Variants in RBPMS observed in about 807,000 individuals in gnomAD.
The protein encoded by RBPMS is RNA-binding protein with multiple splicing.
In RBPMS, 7 loss-of-function variants were observed where a neutral mutation model predicts 26.8. The ratio of observed to expected loss-of-function variants is 0.26; its 90% confidence interval spans 0.15 to 0.49. The LOEUF (loss-of-function observed/expected upper bound fraction) is 0.49, where lower values mean the gene tolerates loss of function less well. RBPMS is among the 20% of genes least tolerant of loss of function. The pLI, the probability that RBPMS is intolerant of heterozygous loss-of-function variation, is 0.98. For missense variants in RBPMS, 186 were observed against 250.0 expected (o/e 0.74, Z 1.73); for synonymous variants, 96 against 93.3 (o/e 1.03, Z -0.17).
intron 1 of RBPMS, among the ~76,000 whole-genome samples, chr8:30,436,290 C>G (rs1409915493): frequency 6.6e-6 from 1 of 152,096 alleles, no homozygotes; most frequent in Non-Finnish European, 1.5e-5. Flanking sequence ...ATGGACAGTT[C>G]CAATGGTTGC....
At chr8:30,499,028 T>C (rs893457330) in intron 4 of RBPMS, among the ~76,000 whole-genome samples, 2 of 152,162 alleles carry the variant, frequency 1.3e-5, no homozygotes, top group Non-Finnish European at 2.9e-5. Context: ...TTATAAAGCA[T>C]AGAGCTAAAT....
intron 1 of RBPMS, chr8:30,446,807 G>A (rs1423843317): frequency 1.1e-5 from 1 of 88,196 alleles, no homozygotes; most frequent in African/African-American, 6.1e-5. Context: ...GTGTGTGTGT[G>A]TGTGTGTGTG....
intron 1 of RBPMS, among the ~76,000 whole-genome samples, chr8:30,461,540 G>T (rs1008007785): frequency 6.6e-6 from 1 of 152,040 alleles, no homozygotes; most frequent in African/African-American, 2.4e-5. Flanking sequence ...AACTACAGGC[G>T]CGTGCCACCA....
chr8:30,440,031 GTCAA>G (rs1812899024), intron 1 of RBPMS, among the ~76,000 whole-genome samples: 1 of 152,184 alleles, frequency 6.6e-6, no homozygotes, highest in Admixed American at 6.5e-5. Flanking sequence ...CAGTCAGTCA[GTCAA>G]TCAATCAGTC....
chr8:30,549,842 T>C (rs1826206199), intron 6 of RBPMS, among the ~76,000 whole-genome samples: 1 of 146,916 alleles, frequency 6.8e-6, no homozygotes, highest in African/African-American at 2.6e-5. Context: ...TTTCTTTTCT[T>C]TCTTTTCTTT....
intron 5 of RBPMS, among the ~76,000 whole-genome samples, chr8:30,530,289 C>T (rs1352853911): frequency 6.6e-6 from 1 of 152,180 alleles, no homozygotes; most frequent in Non-Finnish European, 1.5e-5. Context: ...CTGGTAGCCT[C>T]AGTATTGAGA....
rs1056959408 is a variant in RBPMS, at chr8:30,571,134, T to C, written c.*609T>C. On this transcript the variant is annotated 3_prime_UTR_variant, in exon 9 of 9. Transcript: ENST00000397323. ...GTGTTAGATGTTAGAAACAGAACTG[T>C]TATTTGCAGTGTTAGGTCTAGGATC... 6.6e-6 allele frequency: 1 copy of C among 152,306 alleles called. No homozygotes were observed. The highest frequency in any genetic ancestry group is 1.5e-5 in the Non-Finnish European group (1 of 68,028). The allele number at this position is 152,306 out of a possible 1,614,324, so 9.4% of individuals were successfully genotyped here.
At chr8:30,545,463 A>T (rs557502953) in intron 6 of RBPMS, 2 of 1,004,648 alleles carry the variant, frequency 2.0e-6, no homozygotes, top group South Asian at 8.4e-5. Context: ...TAACAAATAG[A>T]AAGTACGTAC....
chr8:30,389,482 A>G (rs1807523165), intron 1 of RBPMS, among the ~76,000 whole-genome samples: 1 of 152,196 alleles, frequency 6.6e-6, no homozygotes, highest in Non-Finnish European at 1.5e-5. Flanking sequence ...AAGGCAATAA[A>G]GTGGGTACTT....
chr8:30,530,572 T>G (rs1260424950), intron 5 of RBPMS, among the ~76,000 whole-genome samples: 1 of 152,086 alleles, frequency 6.6e-6, no homozygotes, highest in Non-Finnish European at 1.5e-5. Context: ...AAACGATTCT[T>G]CTGCCTCAGC....
Position 30,543,352 on chromosome 8 carries a change from C to T in RBPMS, c.398-1142C>T, listed in dbSNP as rs924767206. Among the ~76,000 whole-genome samples the T allele has an allele frequency of 9.9e-5, 15 of 152,064 alleles. No homozygotes were observed. The East Asian group carries it at 1.3e-3, about 14-fold the overall frequency. ...GCCCCCTTTCTGTATTGAAGAGTTT[C>T]GGGGGATGGGAAGGATGCAGAGACA... is the stretch of plus-strand genomic sequence containing the variant. On this transcript the variant is annotated intron_variant, in intron 5 of 8. Coordinates refer to ENST00000397323, the MANE Select transcript of RBPMS (RefSeq NM_001008710.3).
intron 4 of RBPMS, among the ~76,000 whole-genome samples, chr8:30,487,782 ATC>A (rs1818948651): frequency 6.6e-6 from 1 of 152,164 alleles, no homozygotes; most frequent in Admixed American, 6.5e-5. Flanking sequence ...AGATAATAAA[ATC>A]TGTTAAAGCT....
chr8:30,555,925 T>A (rs1392123715), intron 6 of RBPMS: 1 of 984,234 alleles, frequency 1.0e-6, no homozygotes, highest in Non-Finnish European at 1.2e-6. Flanking sequence ...CCGGGCCGGC[T>A]GCCCGAACTC....
At chr8:30,505,212 T>C (rs141704236) in intron 5 of RBPMS, among the ~76,000 whole-genome samples, 2 of 152,294 alleles carry the variant, frequency 1.3e-5, no homozygotes, top group East Asian at 3.9e-4. Context: ...CCATATGTGA[T>C]TTAATATGGC....
chr8:30,457,274 A>G (rs1290915190), intron 1 of RBPMS, among the ~76,000 whole-genome samples: 1 of 152,192 alleles, frequency 6.6e-6, no homozygotes, highest in Non-Finnish European at 1.5e-5. Flanking sequence ...TCTGTAAAAT[A>G]TGCTATTTTA....
intron 1 of RBPMS, among the ~76,000 whole-genome samples, chr8:30,450,576 T>C (rs1814446549): frequency 6.6e-6 from 1 of 152,128 alleles, no homozygotes; most frequent in Admixed American, 6.6e-5. Context: ...CCTCCACTGC[T>C]GTCCAGGCCT....
chr8:30,537,525 G>A, intron 5 of RBPMS: 1 of 456,066 alleles, frequency 2.2e-6, no homozygotes, highest in South Asian at 1.6e-5. Flanking sequence ...GGATGGGAAT[G>A]AGAAAGACAT....
At chr8:30,466,596 T>C (rs915712100) in intron 1 of RBPMS, among the ~76,000 whole-genome samples, 4 of 150,162 alleles carry the variant, frequency 2.7e-5, no homozygotes, top group Non-Finnish European at 4.4e-5. Context: ...TTCTTTTTTT[T>C]CTTTTTTTTT....
chr8:30,387,540 T>G (rs1361985947), intron 1 of RBPMS, among the ~76,000 whole-genome samples: 1 of 152,144 alleles, frequency 6.6e-6, no homozygotes, highest in Non-Finnish European at 1.5e-5. Context: ...TTAAGCACAT[T>G]TAAAAACCTT....
Sources: allele counts gnomAD v4.1 joint callset (sites outside exome capture counted in the v4.1 genomes callset), GRCh38; gene constraint gnomAD v4.1.1; transcripts MANE v1.5; gene names NCBI Gene and HGNC (gene_info 2026-07-23, HGNC 2026-07-21).